Variants in MAP3K3 observed in about 807,000 individuals in gnomAD.
MAP3K3 encodes the protein mitogen-activated protein kinase kinase kinase 3.
In MAP3K3, 12 loss-of-function variants were observed where a neutral mutation model predicts 80.9. The observed-to-expected ratio is 0.15, with a 90% CI of 0.10 to 0.24. The LOEUF is 0.24. Ranked by LOEUF, MAP3K3 falls within the 10% of genes least tolerant of loss-of-function variation. MAP3K3 has a pLI of 1.00. For synonymous variants in MAP3K3, 272 were observed against 307.1 expected, an observed-to-expected ratio of 0.89 and a Z score of 1.19; for missense variants, 596 against 834.7, an observed-to-expected ratio of 0.71 and a Z score of 3.52.
At chr17:63,653,342 C>T (rs775859438) in intron 4 of MAP3K3, among the ~76,000 whole-genome samples, 1 of 152,130 alleles carries the variant, frequency 6.6e-6, no homozygotes, top group South Asian at 2.1e-4. Context: ...ATGTGTACCT[C>T]GAGGAAATTG....
rs141438505 is a variant in MAP3K3, at chr17:63,666,955, C to G, written c.397C>G (p.His133Asp). Reference protein sequence around the residue: ...QDRNHNSSSPHSGVSRQVRIK... With the variant: ...QDRNHNSSSPDSGVSRQVRIK... Reference sequence around the variant, plus strand: ...TCTTTTACAGAACAGTTCCTCTCCCCACTCTGGGGTGTCCAGACAGGTGCG... The same window carrying G: ...TCTTTTACAGAACAGTTCCTCTCCCGACTCTGGGGTGTCCAGACAGGTGCG... Residue 133 changes from histidine to aspartate, a missense_variant, in exon 6 of 16, where the codon CAC becomes GAC. Physicochemically the swap from His to Asp is moderately conservative, Grantham distance 81. This residue lies in a region of MAP3K3 where 232 missense variants were observed against 245.8 expected (regional missense o/e 0.94). Coordinates refer to ENST00000361733, the MANE Select transcript of MAP3K3 (RefSeq NM_002401.5). 2.5e-6 allele frequency: 4 copies of G among 1,613,206 alleles called. No homozygotes were observed. Among genetic ancestry groups the G allele is most frequent in the African/African-American group, 2.7e-5 (2 of 74,980 alleles).
intron 6 of MAP3K3, among the ~76,000 whole-genome samples, chr17:63,668,742 T>C (rs540888217): frequency 1.2e-3 from 181 of 152,334 alleles, no homozygotes; most frequent in Non-Finnish European, 2.2e-3. Context: ...GTGAGATTTC[T>C]GTGAAGTAGT....
At chr17:63,666,744 A>C (rs928483559) in intron 5 of MAP3K3, among the ~76,000 whole-genome samples, 196 bp from the exon 6 acceptor site, 1 of 152,232 alleles carries the variant, frequency 6.6e-6, no homozygotes, top group East Asian at 1.9e-4. Context: ...CATTGAAGCT[A>C]TAAAACTACA....
intron 7 of MAP3K3, among the ~76,000 whole-genome samples, chr17:63,684,501 G>A (rs2035406755): frequency 6.6e-6 from 1 of 152,162 alleles, no homozygotes; most frequent in African/African-American, 2.4e-5. Flanking sequence ...AATCATGTGT[G>A]ACAACATGAC....
intron 3 of MAP3K3, among the ~76,000 whole-genome samples, chr17:63,650,685 AG>A (rs2034634776): frequency 1.4e-5 from 2 of 146,240 alleles, no homozygotes; most frequent in African/African-American, 5.3e-5. Context: ...AGAGAGAGAG[AG>A]AGAGAGAGAG....
chr17:63,652,360 A>G (rs1568132632), intron 3 of MAP3K3, among the ~76,000 whole-genome samples, 197 bp from the exon 4 acceptor site: 1 of 152,156 alleles, frequency 6.6e-6, no homozygotes, highest in Non-Finnish European at 1.5e-5. Flanking sequence ...ACTGTTGTCA[A>G]ACCTGATAGA....
At chr17:63,670,660 G>T (rs2035089513) in intron 6 of MAP3K3, among the ~76,000 whole-genome samples, 1 of 151,708 alleles carries the variant, frequency 6.6e-6, no homozygotes, top group East Asian at 1.9e-4. Context: ...ACCTGATCCT[G>T]ATCTTGGGGC....
At chr17:63,665,586 G>A (rs770852623) in intron 5 of MAP3K3, among the ~76,000 whole-genome samples, 1 of 152,188 alleles carries the variant, frequency 6.6e-6, no homozygotes, top group Non-Finnish European at 1.5e-5. Flanking sequence ...GCAGGTGGCA[G>A]GGTGCTCATC....
chr17:63,688,434 G>A, intron 8 of MAP3K3, 93 bp from the exon 9 acceptor site: 1 of 965,740 alleles, frequency 1.0e-6, no homozygotes, highest in Admixed American at 1.8e-5. Context: ...ACCTAATGCT[G>A]TGGCAGGGGT....
chr17:63,681,661 A>T, intron 6 of MAP3K3, 105 bp from the exon 7 acceptor site: 1 of 1,076,574 alleles, frequency 9.3e-7, no homozygotes, highest in Non-Finnish European at 1.2e-6. Flanking sequence ...GACCCATCTG[A>T]GTCACATTCC....
At chr17:63,672,214 C>T (rs1033227936) in intron 6 of MAP3K3, among the ~76,000 whole-genome samples, 2 of 143,694 alleles carry the variant, frequency 1.4e-5, no homozygotes, top group Admixed American at 7.3e-5. Flanking sequence ...ACCCGGGAGG[C>T]GGAGGTTGCA....
intron 2 of MAP3K3, among the ~76,000 whole-genome samples, chr17:63,640,583 C>G (rs1465061163): frequency 6.6e-6 from 1 of 152,130 alleles, no homozygotes; most frequent in South Asian, 2.1e-4. Flanking sequence ...AGACACAGGG[C>G]AATTTATGGT....
intron 4 of MAP3K3, among the ~76,000 whole-genome samples, chr17:63,652,966 T>G (rs1177276891): frequency 6.6e-6 from 1 of 152,190 alleles, no homozygotes; most frequent in Non-Finnish European, 1.5e-5. Context: ...TGTAGGAGTA[T>G]CTTATTTTTT....
At chr17:63,677,879 C>T (rs1191901371) in intron 6 of MAP3K3, among the ~76,000 whole-genome samples, 3 of 152,168 alleles carry the variant, frequency 2.0e-5, no homozygotes, top group Admixed American at 6.5e-5. Context: ...CCCTGTGCTG[C>T]CAGGAAGTCC....
intron 1 of MAP3K3, among the ~76,000 whole-genome samples, chr17:63,624,510 A>G (rs908469784): frequency 5.3e-5 from 8 of 152,220 alleles, no homozygotes; most frequent in African/African-American, 1.9e-4. Flanking sequence ...ATTTTCAAAA[A>G]GTTTATAAGT....
chr17:63,628,925 G>T (rs931488043), intron 1 of MAP3K3, among the ~76,000 whole-genome samples: 1 of 151,972 alleles, frequency 6.6e-6, no homozygotes, highest in East Asian at 1.9e-4. Flanking sequence ...ACTGTGTTAG[G>T]TACCATAAGA....
At chr17:63,626,887 A>G (rs2034113726) in intron 1 of MAP3K3, among the ~76,000 whole-genome samples, 1 of 152,224 alleles carries the variant, frequency 6.6e-6, no homozygotes. Flanking sequence ...TTAAAACATT[A>G]CTTTGGGGAT....
intron 2 of MAP3K3, among the ~76,000 whole-genome samples, chr17:63,643,806 T>G (rs2034491557): frequency 6.6e-6 from 1 of 152,128 alleles, no homozygotes; most frequent in African/African-American, 2.4e-5. Context: ...CATCAGAGCA[T>G]GGCAACTCTG....
At chr17:63,685,874 T>C (rs2035438087) in intron 8 of MAP3K3, among the ~76,000 whole-genome samples, 1 of 152,262 alleles carries the variant, frequency 6.6e-6, no homozygotes. Context: ...TCTCGTACTT[T>C]TGGCCTCACT....
Sources: allele counts gnomAD v4.1 joint callset (sites outside exome capture counted in the v4.1 genomes callset), GRCh38; gene constraint gnomAD v4.1.1; regional missense constraint gnomAD v4.1.1; transcripts MANE v1.5; gene names NCBI Gene and HGNC (gene_info 2026-07-23, HGNC 2026-07-21).